The following IFNAR1 variants were observed in gnomAD, a reference collection of about 807,000 sequenced individuals.
IFNAR1 encodes interferon alpha/beta receptor 1.
IFNAR1 carries 47 observed loss-of-function variants against 62.1 expected under a neutral mutation model. The ratio of observed to expected loss-of-function variants is 0.76; its 90% CI spans 0.60 to 0.97. IFNAR1 has a LOEUF of 0.97. IFNAR1 is among the 50% of genes least tolerant of loss of function. The pLI is 0.00. For synonymous variants in IFNAR1, 219 were observed against 226.9 expected (o/e 0.97, Z 0.31); for missense variants, 638 against 654.5 (o/e 0.97, Z 0.27).
Position 33,355,612 on chromosome 21 carries a change from C to T in IFNAR1, c.*63C>T, listed in dbSNP as rs2083440708. The T allele has an allele frequency of 1.3e-5, 10 of 789,718 alleles. No individual in the cohort carries two copies. In the South Asian group the frequency reaches 1.8e-4, roughly 14 times the overall value. 48.9% of individuals were successfully genotyped at this position (789,718 alleles called of 1,614,324 possible). ...AGGAGTTACACTGGGAGCCTGAGGT[C>T]CTCACCTTCCTCTCAGTAACTACAG... On this transcript the variant is annotated 3_prime_UTR_variant, in exon 11 of 11. Coordinates refer to ENST00000270139, the MANE Select transcript of IFNAR1 (RefSeq NM_000629.3).
chr21:33,352,611 C>A (rs568615883), intron 8 of IFNAR1, 147 bp from the exon 9 acceptor site: 1 of 458,120 alleles, frequency 2.2e-6, no homozygotes, highest in Non-Finnish European at 3.8e-6. Context: ...ACAAAAAAAA[C>A]AAAACAAAAC....
At chr21:33,327,936 T>C (rs2083141710) in intron 1 of IFNAR1, among the ~76,000 whole-genome samples, 1 of 152,178 alleles carries the variant, frequency 6.6e-6, no homozygotes, top group Non-Finnish European at 1.5e-5. Flanking sequence ...TTGAAATCAA[T>C]GGAAAGGAAT....
At chr21:33,324,836 G>C, upstream of IFNAR1, 1 of 579,430 alleles carries the variant, frequency 1.7e-6, no homozygotes, top group Non-Finnish European at 3.1e-6. Flanking sequence ...TGGAGAAGGG[G>C]TGCTAGCTAG....
chr21:33,348,468 A>T (rs2083369568), intron 6 of IFNAR1, among the ~76,000 whole-genome samples: 1 of 152,200 alleles, frequency 6.6e-6, no homozygotes, highest in South Asian at 2.1e-4. Context: ...GAATTTATTT[A>T]TTACCTCTGT....
intron 1 of IFNAR1, among the ~76,000 whole-genome samples, chr21:33,333,755 C>T (rs1245734387): frequency 6.6e-6 from 1 of 151,584 alleles, no homozygotes; most frequent in Admixed American, 6.6e-5. Context: ...TCCTGAGTAG[C>T]TGGGACTACA....
In IFNAR1 at chr21:33,355,431, A is replaced by G; in HGVS notation, c.1556A>G (p.Gln519Arg). The change falls in exon 11 of 11, where the codon CAA (glutamine) becomes CGA (arginine). Residue 519 changes from glutamine (Q) to arginine (R), a missense_variant. Physicochemically the swap from Gln to Arg is conservative, Grantham distance 43 (BLOSUM62 1). Coordinates refer to ENST00000270139, the MANE Select transcript of IFNAR1 (RefSeq NM_000629.3). ...ATTGCTACAGTAGAAGAAACTAATC[A>G]AACTGATGAAGATCATAAAAAATAC... is the stretch of plus-strand genomic sequence containing the variant. Reference protein sequence around the residue: ...STIATVEETNQTDEDHKKYSS... With the variant: ...STIATVEETNRTDEDHKKYSS... 1 of 1,597,092 alleles carries G rather than the reference A, an allele frequency of 6.3e-7. No individual in the cohort carries two copies. The highest frequency in any genetic ancestry group is 8.6e-7 in the Non-Finnish European group (1 of 1,167,212).
chr21:33,325,269 A>G, intron 1 of IFNAR1, 138 bp downstream of exon 1: 1 of 740,570 alleles, frequency 1.4e-6, no homozygotes, highest in Non-Finnish European at 2.3e-6. Context: ...GCCAAAGATT[A>G]AACCCGACCT....
rs1601040471 is a variant in IFNAR1, at chr21:33,358,466, A to G, written c.*2917A>G. 1 of 152,042 alleles carries G rather than the reference A, an allele frequency of 6.6e-6. No individual in the cohort carries two copies. The highest frequency in any genetic ancestry group is 1.9e-4 in the East Asian group (1 of 5,202). The allele number at this position is 152,042 out of a possible 1,614,324, so 9.4% of individuals were successfully genotyped here. On this transcript the variant is annotated 3_prime_UTR_variant, in exon 11 of 11. Coordinates refer to ENST00000270139, the MANE Select transcript of IFNAR1 (RefSeq NM_000629.3). ...CAGAAATAATTTTATATTAATATATAATACAGATTAACATTATATATAATA... is the reference window on the plus strand; with the variant it reads ...CAGAAATAATTTTATATTAATATATGATACAGATTAACATTATATATAATA...
chr21:33,333,596 TAAAG>T (rs1047374368), intron 1 of IFNAR1, among the ~76,000 whole-genome samples: 5 of 149,924 alleles, frequency 3.3e-5, no homozygotes, highest in Non-Finnish European at 7.4e-5. Flanking sequence ...ATTCCATACT[TAAAG>T]AGACTGGCGG....
intron 2 of IFNAR1, among the ~76,000 whole-genome samples, chr21:33,337,374 G>T (rs1440345032): frequency 1.3e-5 from 2 of 152,066 alleles, no homozygotes; most frequent in East Asian, 3.9e-4. Flanking sequence ...GAATATAGAA[G>T]GGAACACAGA....
Position 33,341,036 on chromosome 21 carries a change from C to G in IFNAR1, c.238C>G (p.Gln80Glu). The G allele has an allele frequency of 6.2e-7, 1 of 1,611,638 alleles. No individual in the cohort carries two copies. The highest frequency in any genetic ancestry group is 2.2e-5 in the East Asian group (1 of 44,750). The change falls in exon 3 of 11, where the codon CAG becomes GAG. Residue 80 changes from glutamine (Q) to glutamate (E), a missense_variant. Coordinates refer to ENST00000270139, the MANE Select transcript of IFNAR1 (RefSeq NM_000629.3). ...MDNWIKLSGCQNITSTKCNFS... is the reference protein window; with the variant it reads ...MDNWIKLSGCENITSTKCNFS... ...TAATTGGATAAAATTGTCTGGGTGT[C>G]AGAATATTACTAGTACCAAATGCAA...
chr21:33,331,220 T>G (rs2083176551), intron 1 of IFNAR1, among the ~76,000 whole-genome samples: 1 of 152,184 alleles, frequency 6.6e-6, no homozygotes, highest in South Asian at 2.1e-4. Flanking sequence ...CAGTATCCTA[T>G]TTCCTGGGAA....
intron 1 of IFNAR1, among the ~76,000 whole-genome samples, chr21:33,330,829 T>C (rs1019252094): frequency 6.6e-6 from 1 of 152,088 alleles, no homozygotes; most frequent in African/African-American, 2.4e-5. Flanking sequence ...AACAAGAAGA[T>C]CCCAGCTACA....
upstream of IFNAR1, chr21:33,324,954 G>C: frequency 1.0e-6 from 1 of 984,018 alleles, no homozygotes. Flanking sequence ...GAGGGGCAGC[G>C]CGTGTGCAGA....
Position 33,325,031 on chromosome 21 carries a change from T to C in IFNAR1, c.-25T>C, listed in dbSNP as rs373968877. 4 of 1,575,990 alleles carry C rather than the reference T, an allele frequency of 2.5e-6. No individual in the cohort carries two copies. The South Asian group carries it at 3.5e-5, about 14-fold the overall frequency. ...AGCTGCGCGTGCGCGAACATGTAAC[T>C]GGTGGGATCTGCGGCGGCTCCCAGA... On this transcript the variant is annotated 5_prime_UTR_variant, in exon 1 of 11. Transcript: ENST00000270139.
At chr21:33,332,173 CAAG>C (rs1476910457) in intron 1 of IFNAR1, among the ~76,000 whole-genome samples, 3 of 152,162 alleles carry the variant, frequency 2.0e-5, no homozygotes, top group African/African-American at 7.2e-5. Flanking sequence ...GTGGGGAAGA[CAAG>C]AATAGGAGGA....
At position 33,349,167 on chromosome 21, in the gene IFNAR1, ACC is replaced by A; in HGVS notation, c.867_868del (p.Gln290ValfsTer21). The A allele has an allele frequency of 1.2e-6, 2 of 1,612,832 alleles. No homozygotes were observed. Among genetic ancestry groups the A allele is most frequent in the Non-Finnish European group, 1.7e-6 (2 of 1,178,988 alleles). On this transcript the variant is annotated frameshift_variant, in exon 7 of 11. Coordinates refer to ENST00000270139, the MANE Select transcript of IFNAR1 (RefSeq NM_000629.3). LOFTEE classifies it high-confidence loss of function. The stretch of plus-strand genomic sequence containing the variant: ...ACCTGACTGTGAAAATGTCAAAACT[ACC>A]CAGTGTGTCTTTCCTCAAAACGTTT... Reference protein sequence around the residue: ...QIPDCENVKTTQCVFPQNVFQ... With the variant: ...QIPDCENVKTXQCVFPQNVFQ...
rs1013275116 is a variant in IFNAR1 at position 33,336,835 on chromosome 21, C to G, written c.200+1188C>G. On this transcript the variant is annotated intron_variant, in intron 2 of 10. Transcript: ENST00000270139. ...GCACAATCTTGGCTCACTGCAACCTCCACTTCCCGGTTTCAAGCGATTCTC... is the reference window on the plus strand; with the variant it reads ...GCACAATCTTGGCTCACTGCAACCTGCACTTCCCGGTTTCAAGCGATTCTC... Among the ~76,000 whole-genome samples, 9 of 150,106 alleles carry G rather than the reference C, an allele frequency of 6.0e-5. No homozygotes were observed. The Admixed American group carries it at 6.0e-4, about 10-fold the overall frequency.
rs574497644 is a variant in IFNAR1 at position 33,351,505 on chromosome 21, C to T, written c.1144-1253C>T. Among the ~76,000 whole-genome samples the T allele has an allele frequency of 4.3e-4, 66 of 151,750 alleles. 2 individuals carry two copies. The South Asian group carries it at 0.013, about 30-fold the overall frequency. On this transcript the variant is annotated intron_variant, in intron 8 of 10. Transcript: ENST00000270139. Reference sequence around the variant, plus strand: ...CATAATCGTTTTGTGAGCCACTGAACGTTAAGGCAGTTTTGTTATCTATAT... The same window carrying T: ...CATAATCGTTTTGTGAGCCACTGAATGTTAAGGCAGTTTTGTTATCTATAT...
Sources: allele counts gnomAD v4.1 joint callset (sites outside exome capture counted in the v4.1 genomes callset), GRCh38; gene constraint gnomAD v4.1.1; transcripts MANE v1.5; gene names NCBI Gene and HGNC (gene_info 2026-07-23, HGNC 2026-07-21).